Variants in DIAPH2 observed in about 807,000 individuals in gnomAD.
DIAPH2 encodes the protein diaphanous related formin 2, also known as protein diaphanous homolog 2.
Under a neutral mutation model 92.7 loss-of-function variants are expected in DIAPH2, and 35 were observed. The ratio of observed to expected loss-of-function variants is 0.38; its 90% CI spans 0.29 to 0.50. DIAPH2 has a LOEUF of 0.50. DIAPH2 is among the 20% of genes least tolerant of loss of function. The pLI is 0.94. For synonymous variants in DIAPH2, 301 were observed against 280.4 expected (o/e 1.07, Z -0.73); for missense variants, 701 against 819.5 (o/e 0.86, Z 1.77).
At chrX:97,057,448 T>C (rs1047590084) in intron 17 of DIAPH2, among the ~76,000 whole-genome samples, 2 of 111,771 alleles carry the variant, frequency 1.8e-5, no homozygotes, top group African/African-American at 6.5e-5. Context: ...CAAATGCAGT[T>C]AGTAAGTTGA....
At chrX:97,480,674 A>G (rs2070644676) in intron 26 of DIAPH2, among the ~76,000 whole-genome samples, 1 of 111,058 alleles carries the variant, frequency 9.0e-6, no homozygotes, top group South Asian at 3.9e-4. Flanking sequence ...TCCTTACGAG[A>G]TCAGGACCGA....
intron 17 of DIAPH2, among the ~76,000 whole-genome samples, chrX:96,974,038 A>G (rs947724042): frequency 2.7e-5 from 3 of 111,997 alleles, no homozygotes; most frequent in Non-Finnish European, 5.6e-5. Context: ...CCTGGAACCA[A>G]TCCTCAGTTG....
intron 26 of DIAPH2, among the ~76,000 whole-genome samples, chrX:97,480,571 G>A (rs1312904271): frequency 9.0e-6 from 1 of 111,295 alleles, no homozygotes; most frequent in Non-Finnish European, 1.9e-5. Flanking sequence ...ACTACCGTAG[G>A]ACATCTACTT....
chrX:96,802,131 C>A (rs968348877), intron 4 of DIAPH2, among the ~76,000 whole-genome samples: 1 of 112,109 alleles, frequency 8.9e-6, no homozygotes, highest in Admixed American at 9.5e-5. Flanking sequence ...AGAGTATCTA[C>A]TTCTACCTAT....
At chrX:97,067,651 C>T (rs983347162) in intron 17 of DIAPH2, among the ~76,000 whole-genome samples, 11 of 111,743 alleles carry the variant, frequency 9.8e-5, no homozygotes, top group African/African-American at 3.6e-4. Flanking sequence ...CATCCATCAA[C>T]AATACGCAAG....
chrX:97,445,448 C>T (rs888639473), intron 26 of DIAPH2, among the ~76,000 whole-genome samples: 1 of 109,006 alleles, frequency 9.2e-6, no homozygotes, highest in Non-Finnish European at 1.9e-5. Flanking sequence ...AGGAGTCTCG[C>T]TCTGTTGCCC....
chrX:96,987,417 A>C (rs759617745), intron 17 of DIAPH2, among the ~76,000 whole-genome samples: 2 of 111,577 alleles, frequency 1.8e-5, no homozygotes, highest in African/African-American at 6.5e-5. Flanking sequence ...TTATTACTCC[A>C]TTAGACCTAT....
intron 26 of DIAPH2, among the ~76,000 whole-genome samples, chrX:97,554,927 A>G (rs1207569535): frequency 8.9e-6 from 1 of 111,954 alleles, no homozygotes; most frequent in Admixed American, 9.5e-5. Context: ...TCTACTCTAC[A>G]CAGGTCTTCC....
chrX:96,753,472 A>G (rs1282766904), intron 3 of DIAPH2, among the ~76,000 whole-genome samples: 1 of 111,751 alleles, frequency 8.9e-6, no homozygotes, highest in Non-Finnish European at 1.9e-5. Context: ...GTGGACACCA[A>G]CCCATGTTAC....
intron 17 of DIAPH2, among the ~76,000 whole-genome samples, chrX:97,002,597 T>C (rs2147857031): frequency 9.0e-6 from 1 of 111,607 alleles, no homozygotes; most frequent in East Asian, 2.8e-4. Context: ...AGTTATGAGA[T>C]AGAAAAATGA....
At chrX:97,415,733 T>C (rs1243821601) in intron 25 of DIAPH2, among the ~76,000 whole-genome samples, 1 of 109,786 alleles carries the variant, frequency 9.1e-6, no homozygotes, top group African/African-American at 3.3e-5. Context: ...GGGATAGCAT[T>C]AGGAGAAATA....
intron 26 of DIAPH2, among the ~76,000 whole-genome samples, chrX:97,457,199 T>G (rs1169186115): frequency 9.0e-6 from 1 of 111,513 alleles, no homozygotes; most frequent in Non-Finnish European, 1.9e-5. Flanking sequence ...TATTGTGTTT[T>G]TAGTAGAGAC....
At chrX:96,824,411 G>T (rs1220334478) in intron 4 of DIAPH2, among the ~76,000 whole-genome samples, 1 of 110,205 alleles carries the variant, frequency 9.1e-6, no homozygotes. Flanking sequence ...TCTGGTAGTT[G>T]GTTACATCTT....
chrX:97,595,689 A>G (rs5921858), intron 26 of DIAPH2, among the ~76,000 whole-genome samples: 4,416 of 107,767 alleles, frequency 0.041, 80 homozygotes, highest in Non-Finnish European at 0.061. Context: ...CAGGCTGGCA[A>G]TGGCACGATC....
intron 26 of DIAPH2, among the ~76,000 whole-genome samples, chrX:97,486,425 A>G (rs1428193074): frequency 8.9e-6 from 1 of 111,809 alleles, no homozygotes; most frequent in Non-Finnish European, 1.9e-5. Context: ...AAAAAGAGCT[A>G]TAAGAAATGA....
chrX:96,742,691 G>T (rs1371338559), intron 3 of DIAPH2, among the ~76,000 whole-genome samples: 1 of 106,529 alleles, frequency 9.4e-6, no homozygotes. Context: ...TTTTGAGATG[G>T]AGTCTCACTC....
At chrX:97,015,584 T>TA (rs2066254494) in intron 17 of DIAPH2, among the ~76,000 whole-genome samples, 1 of 111,599 alleles carries the variant, frequency 9.0e-6, no homozygotes, top group Non-Finnish European at 1.9e-5. Flanking sequence ...TATCTGTGCT[T>TA]AAAAAATGAC....
At chrX:97,020,201 A>T (rs1010751071) in intron 17 of DIAPH2, among the ~76,000 whole-genome samples, 3 of 112,488 alleles carry the variant, frequency 2.7e-5, no homozygotes, top group African/African-American at 9.7e-5. Flanking sequence ...TTTTCTAGTG[A>T]GAATAAACCT....
chrX:96,706,645 G>A (rs961076643), intron 1 of DIAPH2, among the ~76,000 whole-genome samples: 1 of 111,599 alleles, frequency 9.0e-6, no homozygotes, highest in Non-Finnish European at 1.9e-5. Flanking sequence ...ACATCATTGC[G>A]AGGTACTGAA....
Sources: gnomAD v4.1 joint callset for allele counts (sites outside exome capture counted in the v4.1 genomes callset) on GRCh38, gnomAD v4.1.1 for gene constraint, MANE v1.5 for transcripts, NCBI Gene and HGNC (gene_info 2026-07-23, HGNC 2026-07-21) for gene names.